The following PEBP4 variants were observed in gnomAD, a reference collection of about 807,000 sequenced individuals.
PEBP4 encodes phosphatidylethanolamine-binding protein 4.
Under a neutral mutation model 23.9 loss-of-function variants are expected in PEBP4, and 22 were observed. The observed-to-expected ratio is 0.92, with a 90% CI of 0.66 to 1.31. The LOEUF (loss-of-function observed/expected upper bound fraction) is 1.31. PEBP4 is among the 40% of genes most tolerant of loss of function. The pLI is 0.00. For missense variants in PEBP4, 324 were observed against 281.7 expected, an observed-to-expected ratio of 1.15 and a Z score of -1.07; for synonymous variants, 112 against 99.3, an observed-to-expected ratio of 1.13 and a Z score of -0.76.
chr8:22,854,822 CTCTT>C (rs1459278424), intron 3 of PEBP4, among the ~76,000 whole-genome samples: 1 of 152,126 alleles, frequency 6.6e-6, no homozygotes, highest in Non-Finnish European at 1.5e-5. Context: ...CTTCTCCTGA[CTCTT>C]TCTACTGAAG....
intron 4 of PEBP4, among the ~76,000 whole-genome samples, chr8:22,810,877 TGA>T (rs33995327): frequency 0.26 from 35,906 of 136,792 alleles, 4,578 homozygotes; most frequent in Middle Eastern, 0.36. Context: ...CTCAGAGTGC[TGA>T]GAGAGAGAGA....
At chr8:22,803,535 G>A (rs1407687854) in intron 4 of PEBP4, among the ~76,000 whole-genome samples, 2 of 152,016 alleles carry the variant, frequency 1.3e-5, no homozygotes, top group Non-Finnish European at 2.9e-5. Flanking sequence ...GTGGTGCTGC[G>A]GGCTTATAAT....
At chr8:22,817,267 G>A (rs1196515363) in intron 4 of PEBP4, among the ~76,000 whole-genome samples, 2 of 152,200 alleles carry the variant, frequency 1.3e-5, no homozygotes, top group Non-Finnish European at 2.9e-5. Context: ...CAAATCCAGT[G>A]GTGTGCTGAA....
At chr8:22,739,764 A>T (rs191550824) in intron 4 of PEBP4, among the ~76,000 whole-genome samples, 1 of 152,236 alleles carries the variant, frequency 6.6e-6, no homozygotes, top group Admixed American at 6.5e-5. Context: ...ATGGCCCCTC[A>T]GCCCCTGACC....
intron 4 of PEBP4, among the ~76,000 whole-genome samples, chr8:22,816,906 G>A (rs751931738): frequency 1.5e-4 from 23 of 152,182 alleles, no homozygotes; most frequent in Non-Finnish European, 2.5e-4. Context: ...ATGATATAGA[G>A]CATACTAGAC....
At chr8:22,781,300 G>T (rs950407060) in intron 4 of PEBP4, among the ~76,000 whole-genome samples, 1 of 152,122 alleles carries the variant, frequency 6.6e-6, no homozygotes, top group African/African-American at 2.4e-5. Flanking sequence ...CGGGAGAGCC[G>T]GAGGGGGAAG....
At chr8:22,850,630 T>C (rs1807532625) in intron 3 of PEBP4, among the ~76,000 whole-genome samples, 1 of 152,246 alleles carries the variant, frequency 6.6e-6, no homozygotes, top group South Asian at 2.1e-4. Flanking sequence ...GCTCTGTCTG[T>C]GGAACCTGCC....
chr8:22,788,212 G>C (rs1021829869), intron 4 of PEBP4, among the ~76,000 whole-genome samples: 1 of 152,210 alleles, frequency 6.6e-6, no homozygotes, highest in South Asian at 2.1e-4. Flanking sequence ...GTAGCTGAAA[G>C]ATGAAGGGGT....
intron 1 of PEBP4, among the ~76,000 whole-genome samples, chr8:22,936,392 C>A (rs1809541452): frequency 6.6e-6 from 1 of 151,818 alleles, no homozygotes; most frequent in Non-Finnish European, 1.5e-5. Flanking sequence ...TAAAACCTAC[C>A]AAGACTGAAT....
chr8:22,817,233 G>A (rs759636284), intron 4 of PEBP4, among the ~76,000 whole-genome samples: 15 of 152,192 alleles, frequency 9.9e-5, no homozygotes, highest in African/African-American at 3.1e-4. Flanking sequence ...CCACCTGCAC[G>A]TCTCAGAATC....
At chr8:22,715,420 G>A (rs906735232) in intron 6 of PEBP4, among the ~76,000 whole-genome samples, 6 of 83,292 alleles carry the variant, frequency 7.2e-5, no homozygotes, top group African/African-American at 2.3e-4. Context: ...GTGGGTGCAC[G>A]TGTGTGTGCG....
intron 4 of PEBP4, among the ~76,000 whole-genome samples, chr8:22,754,198 T>A (rs1401650018): frequency 6.6e-6 from 1 of 152,178 alleles, no homozygotes; most frequent in Non-Finnish European, 1.5e-5. Context: ...CCTAGACCCC[T>A]GGCCGCCCCA....
rs563127134 is a variant in PEBP4 at position 22,753,873 on chromosome 8, G to A, written c.358-26653C>T. Among the ~76,000 whole-genome samples the A allele has an allele frequency of 1.2e-4, 18 of 152,350 alleles. No individual in the cohort carries two copies. In the South Asian group the frequency reaches 1.4e-3, roughly 12 times the overall value. On this transcript the variant is annotated intron_variant, in intron 4 of 6. Coordinates refer to ENST00000256404, the MANE Select transcript of PEBP4 (RefSeq NM_144962.3). ...TGGGCTACCGCCTGGACAGCTGTGC[G>A]GGGAACAGAGCACATCTGTCTGGGT... is the stretch of plus-strand genomic sequence containing the variant.
At chr8:22,831,069 T>C (rs1346153164) in intron 3 of PEBP4, among the ~76,000 whole-genome samples, 1 of 152,108 alleles carries the variant, frequency 6.6e-6, no homozygotes, top group African/African-American at 2.4e-5. Flanking sequence ...GTTTCTAGGG[T>C]TCACTCTGCT....
chr8:22,935,481 G>C (rs546017662), intron 1 of PEBP4, among the ~76,000 whole-genome samples: 2 of 152,154 alleles, frequency 1.3e-5, no homozygotes, highest in Non-Finnish European at 2.9e-5. Context: ...AGCTGAGATC[G>C]CTCCACTGCA....
intron 5 of PEBP4, among the ~76,000 whole-genome samples, chr8:22,726,826 G>A (rs1248650290): frequency 2.0e-5 from 3 of 151,846 alleles, no homozygotes; most frequent in Non-Finnish European, 2.9e-5. Context: ...TAGGTTGGGG[G>A]CATCCTCCTG....
chr8:22,721,140 T>G (rs1804509629), intron 6 of PEBP4, among the ~76,000 whole-genome samples: 1 of 152,156 alleles, frequency 6.6e-6, no homozygotes, highest in Non-Finnish European at 1.5e-5. Context: ...GTATCAGGGC[T>G]GGCTGGGAAA....
At chr8:22,765,113 ATTT>A (rs1563209113) in intron 4 of PEBP4, among the ~76,000 whole-genome samples, 1 of 84,976 alleles carries the variant, frequency 1.2e-5, no homozygotes, top group African/African-American at 4.3e-5. Flanking sequence ...TCCTTCCTTT[ATTT>A]CTTCCTTCCT....
chr8:22,937,145 A>G (rs892583966), intron 1 of PEBP4, among the ~76,000 whole-genome samples: 9 of 152,356 alleles, frequency 5.9e-5, no homozygotes, highest in African/African-American at 2.2e-4. Flanking sequence ...AGAAAGGAAG[A>G]AGTACAATTA....
Sources: allele counts gnomAD v4.1 joint callset (sites outside exome capture counted in the v4.1 genomes callset), GRCh38; gene constraint gnomAD v4.1.1; transcripts MANE v1.5; gene names NCBI Gene and HGNC (gene_info 2026-07-23, HGNC 2026-07-21).